NTM: variants seen among roughly 807,000 people sequenced by gnomAD.
NTM encodes the protein IgLON family member 2.
In NTM, 13 loss-of-function variants were observed where a neutral mutation model predicts 42.1. The observed-to-expected ratio is 0.31, with a 90% CI of 0.20 to 0.49. NTM has a LOEUF of 0.49. NTM is among the 20% of genes least tolerant of loss of function. NTM has a pLI of 0.99. For synonymous variants in NTM, 187 were observed against 179.2 expected, an observed-to-expected ratio of 1.04 and a Z score of -0.35; for missense variants, 373 against 452.8, an observed-to-expected ratio of 0.82 and a Z score of 1.60.
At chr11:131,545,358 C>G (rs1483968240) in intron 1 of NTM, among the ~76,000 whole-genome samples, 1 of 151,542 alleles carries the variant, frequency 6.6e-6, no homozygotes, top group East Asian at 1.9e-4. Context: ...ATTTTTTTCT[C>G]CTTGATGACT....
intron 2 of NTM, among the ~76,000 whole-genome samples, chr11:132,041,479 A>G (rs892847977): frequency 1.3e-5 from 2 of 152,222 alleles, no homozygotes; most frequent in Admixed American, 6.5e-5. Flanking sequence ...AATTAACCTT[A>G]AGCACATTTA....
chr11:131,689,983 T>C (rs1354185544), intron 1 of NTM, among the ~76,000 whole-genome samples: 1 of 152,176 alleles, frequency 6.6e-6, no homozygotes, highest in Non-Finnish European at 1.5e-5. Context: ...GTGTTGGCAA[T>C]GACAGCAGAG....
chr11:132,015,553 C>T (rs1292410570), intron 2 of NTM, among the ~76,000 whole-genome samples: 1 of 151,746 alleles, frequency 6.6e-6, no homozygotes, highest in Admixed American at 6.6e-5. Context: ...TTGTTTCTGA[C>T]ATCTTTAACT....
intron 7 of NTM, among the ~76,000 whole-genome samples, chr11:132,322,934 G>A (rs1345755738): frequency 1.4e-5 from 2 of 142,918 alleles, no homozygotes; most frequent in East Asian, 2.0e-4. Flanking sequence ...TGACTACTGG[G>A]TACATAACGA....
chr11:132,134,577 T>A (rs1043540699), intron 2 of NTM, among the ~76,000 whole-genome samples: 1 of 150,832 alleles, frequency 6.6e-6, no homozygotes, highest in Admixed American at 6.6e-5. Context: ...TAGGAATATA[T>A]ATGACTCATA....
rs2069949661 is a variant in NTM, at chr11:132,003,639, G to C, written c.167+91991G>C. On this transcript the variant is annotated intron_variant, in intron 2 of 8. Transcript: ENST00000683400. The surrounding 1 kb of genome is among the most constrained non-coding windows in gnomAD (Gnocchi z 6.0). ...AATGTGCTTTCAGCTCAGCTCTGTTGTTCACTCAAGAAGAAAAGGCTTTTC... is the reference window on the plus strand; with the variant it reads ...AATGTGCTTTCAGCTCAGCTCTGTTCTTCACTCAAGAAGAAAAGGCTTTTC... 6.6e-6 allele frequency among the ~76,000 whole-genome samples: 1 copy of C among 152,096 alleles called. No individual in the cohort carries two copies. Among genetic ancestry groups the C allele is most frequent in the Non-Finnish European group, 1.5e-5 (1 of 68,032 alleles).
intron 2 of NTM, among the ~76,000 whole-genome samples, chr11:131,971,174 C>T (rs562024881): frequency 3.3e-5 from 5 of 152,310 alleles, no homozygotes; most frequent in South Asian, 2.1e-4. Context: ...AGTGTACACT[C>T]GCCAGTAGAG....
chr11:131,563,116 T>A (rs989959775), intron 1 of NTM, among the ~76,000 whole-genome samples: 3 of 152,204 alleles, frequency 2.0e-5, no homozygotes, highest in Admixed American at 6.5e-5. Context: ...AAAGCTGAGA[T>A]AATAGCTACC....
chr11:131,838,863 G>C (rs2043854769), intron 1 of NTM, among the ~76,000 whole-genome samples: 1 of 152,068 alleles, frequency 6.6e-6, no homozygotes, highest in Admixed American at 6.5e-5. Flanking sequence ...TGCTTTGAGT[G>C]CATCTATGAA....
At chr11:131,608,863 C>T (rs990012919) in intron 1 of NTM, among the ~76,000 whole-genome samples, 2 of 152,126 alleles carry the variant, frequency 1.3e-5, no homozygotes, top group African/African-American at 4.8e-5. Context: ...CAATGGTGTC[C>T]TACAGTGAGT....
intron 1 of NTM, among the ~76,000 whole-genome samples, chr11:131,684,275 C>T (rs1366547185): frequency 6.6e-6 from 1 of 152,184 alleles, no homozygotes; most frequent in African/African-American, 2.4e-5. Context: ...GCCAACCTGA[C>T]CACAGCGATC....
At chr11:132,228,052 A>C (rs1251743117) in intron 4 of NTM, among the ~76,000 whole-genome samples, 1 of 152,188 alleles carries the variant, frequency 6.6e-6, no homozygotes, top group Non-Finnish European at 1.5e-5. Flanking sequence ...CCACAGCAGG[A>C]ATCAAGTTAG....
chr11:131,774,561 G>A (rs1210966513), intron 1 of NTM, among the ~76,000 whole-genome samples: 2 of 152,134 alleles, frequency 1.3e-5, no homozygotes, highest in African/African-American at 4.8e-5. Context: ...ATGGCATGCG[G>A]AATACATGAG....
intron 1 of NTM, among the ~76,000 whole-genome samples, chr11:131,894,737 G>C (rs1174832938): frequency 1.3e-5 from 2 of 152,176 alleles, no homozygotes; most frequent in Non-Finnish European, 2.9e-5. Context: ...GCAGCCCAGG[G>C]AGGTTGTTCA....
At chr11:132,134,083 C>T (rs545688360) in intron 2 of NTM, among the ~76,000 whole-genome samples, 1 of 152,224 alleles carries the variant, frequency 6.6e-6, no homozygotes, top group African/African-American at 2.4e-5. Flanking sequence ...GCCACCCTGC[C>T]CAGCCATTTT....
At chr11:131,808,979 C>T (rs906230778) in intron 1 of NTM, among the ~76,000 whole-genome samples, 1 of 152,184 alleles carries the variant, frequency 6.6e-6, no homozygotes, top group Non-Finnish European at 1.5e-5. Flanking sequence ...CCTAGCAATG[C>T]TAATGTGAAT....
intron 1 of NTM, among the ~76,000 whole-genome samples, chr11:131,617,977 C>G (rs568879861): frequency 6.6e-6 from 1 of 152,120 alleles, no homozygotes; most frequent in Non-Finnish European, 1.5e-5. Context: ...GGGCCAGCGC[C>G]GGGCTACTCT....
chr11:131,813,072 A>G (rs2092804021), intron 1 of NTM, among the ~76,000 whole-genome samples: 1 of 152,192 alleles, frequency 6.6e-6, no homozygotes, highest in Admixed American at 6.5e-5. Context: ...AGGATTATCA[A>G]TTGTGGTAAG....
At chr11:131,714,660 T>C (rs1300588368) in intron 1 of NTM, among the ~76,000 whole-genome samples, 1 of 152,222 alleles carries the variant, frequency 6.6e-6, no homozygotes, top group Admixed American at 6.5e-5. Flanking sequence ...AACTACTTAC[T>C]GTAACAGTGT....
Sources: gnomAD v4.1 joint callset for allele counts (sites outside exome capture counted in the v4.1 genomes callset) on GRCh38, gnomAD v4.1.1 for gene constraint, Gnocchi (gnomAD v3.1) non-coding constraint, MANE v1.5 for transcripts, NCBI Gene and HGNC (gene_info 2026-07-23, HGNC 2026-07-21) for gene names.